The following TSPAN5 variants were observed in gnomAD, a reference collection of about 807,000 sequenced individuals.
TSPAN5 encodes tetraspanin-5.
TSPAN5 carries 10 observed loss-of-function variants against 37.1 expected under a neutral mutation model. The ratio of observed to expected loss-of-function variants is 0.27; its 90% CI spans 0.17 to 0.46. The LOEUF is 0.46. Among genes scored for constraint, TSPAN5 ranks in the 20% least tolerant of loss-of-function variants. The probability of loss-of-function intolerance (pLI) is 1.00; values close to 1 mark genes in which losing one functional copy is unlikely to be tolerated. For synonymous variants in TSPAN5, 110 were observed against 118.9 expected (o/e 0.93, Z 0.48); for missense variants, 195 against 326.6 (o/e 0.60, Z 3.11).
chr4:98,558,093 T>C (rs1754792889), intron 1 of TSPAN5, among the ~76,000 whole-genome samples: 1 of 152,184 alleles, frequency 6.6e-6, no homozygotes, highest in African/African-American at 2.4e-5. Context: ...ATTGGCTCAT[T>C]AGTTGTAACA....
At chr4:98,488,892 A>C (rs903338139) in intron 2 of TSPAN5, among the ~76,000 whole-genome samples, 1 of 152,130 alleles carries the variant, frequency 6.6e-6, no homozygotes. Context: ...TTCTCTACAA[A>C]AATAAACTTA....
At chr4:98,645,777 T>C (rs1014877071) in intron 1 of TSPAN5, among the ~76,000 whole-genome samples, 1 of 152,192 alleles carries the variant, frequency 6.6e-6, no homozygotes, top group African/African-American at 2.4e-5. Flanking sequence ...TGAGGTTGAT[T>C]AATGAATCTA....
rs180779668 is a variant in TSPAN5, at chr4:98,555,684, C to T, written c.82-47956G>A. 7.2e-5 allele frequency among the ~76,000 whole-genome samples: 11 copies of T among 152,134 alleles called. No homozygotes were observed. In the East Asian group the frequency reaches 2.1e-3, roughly 29 times the overall value. ...ACCCCTTAAGTTTTCAGGTATTATG[C>T]TAAAAGGGTAAATATAGAAATAAGT... On this transcript the variant is annotated intron_variant, in intron 1 of 7. Coordinates refer to ENST00000305798, the MANE Select transcript of TSPAN5 (RefSeq NM_005723.4).
At chr4:98,490,527 C>G (rs1753062559) in intron 2 of TSPAN5, among the ~76,000 whole-genome samples, 1 of 152,134 alleles carries the variant, frequency 6.6e-6, no homozygotes. Context: ...TTATTTAATC[C>G]TAAATTCTGG....
At chr4:98,482,633 T>G (rs4414961) in intron 3 of TSPAN5, 61,624 of 154,550 alleles carry the variant, frequency 0.4, 14,822 homozygotes, top group Non-Finnish European at 0.53. Context: ...AATATATTCC[T>G]TTTATGGATT....
chr4:98,513,407 T>A (rs565502490), intron 1 of TSPAN5, among the ~76,000 whole-genome samples: 27 of 152,056 alleles, frequency 1.8e-4, no homozygotes, highest in Non-Finnish European at 3.2e-4. Context: ...GCAGAAAAGA[T>A]TAGAGTCTGA....
At chr4:98,553,233 A>C (rs1754662492) in intron 1 of TSPAN5, among the ~76,000 whole-genome samples, 1 of 152,202 alleles carries the variant, frequency 6.6e-6, no homozygotes, top group Non-Finnish European at 1.5e-5. Flanking sequence ...AATTAAGCAA[A>C]AGTTGAAACA....
intron 1 of TSPAN5, among the ~76,000 whole-genome samples, chr4:98,621,663 C>T (rs891038093): frequency 1.3e-5 from 2 of 152,108 alleles, no homozygotes; most frequent in South Asian, 2.1e-4. Flanking sequence ...CCACTGCGCC[C>T]GGCCAGATGT....
chr4:98,510,905 G>T (rs547366692), intron 1 of TSPAN5, among the ~76,000 whole-genome samples: 22 of 152,150 alleles, frequency 1.4e-4, no homozygotes, highest in Non-Finnish European at 2.9e-4. Flanking sequence ...AAATCAAGTT[G>T]TTCCAGTTCC....
chr4:98,538,755 G>A (rs1161378355), intron 1 of TSPAN5, among the ~76,000 whole-genome samples: 1 of 152,128 alleles, frequency 6.6e-6, no homozygotes, highest in Non-Finnish European at 1.5e-5. Flanking sequence ...TGCCTGTGCA[G>A]GAATTTATTC....
chr4:98,528,090 C>T (rs531967031), intron 1 of TSPAN5, among the ~76,000 whole-genome samples: 59 of 152,302 alleles, frequency 3.9e-4, no homozygotes, highest in Non-Finnish European at 6.8e-4. Context: ...AAGTGTTCCT[C>T]TGTCCGGCAT....
chr4:98,609,600 T>C (rs979324841), intron 1 of TSPAN5, among the ~76,000 whole-genome samples: 2 of 152,172 alleles, frequency 1.3e-5, no homozygotes, highest in Admixed American at 6.5e-5. Context: ...GTCTCCAGCC[T>C]CTCGTGTCCA....
At chr4:98,499,273 A>G (rs997962131) in intron 2 of TSPAN5, among the ~76,000 whole-genome samples, 32 of 152,242 alleles carry the variant, frequency 2.1e-4, no homozygotes, top group African/African-American at 7.2e-4. Context: ...AGGGGCCAGA[A>G]GGAGGATGCA....
chr4:98,474,139 GC>G (rs1318214499), intron 7 of TSPAN5, among the ~76,000 whole-genome samples: 1 of 152,138 alleles, frequency 6.6e-6, no homozygotes, highest in African/African-American at 2.4e-5. Context: ...AAATATTTAT[GC>G]CTATGTTTTC....
chr4:98,500,690 G>A (rs964115262), intron 2 of TSPAN5, among the ~76,000 whole-genome samples: 2 of 152,190 alleles, frequency 1.3e-5, no homozygotes, highest in African/African-American at 2.4e-5. Context: ...ATAAAAAGTG[G>A]TATTTTTTTC....
intron 1 of TSPAN5, among the ~76,000 whole-genome samples, chr4:98,550,884 G>T (rs922550718): frequency 6.6e-6 from 1 of 152,094 alleles, no homozygotes; most frequent in Non-Finnish European, 1.5e-5. Flanking sequence ...TCTCTTGCCT[G>T]ATTGCTCTGG....
intron 3 of TSPAN5, chr4:98,484,317 C>G: frequency 2.5e-6 from 1 of 396,320 alleles, no homozygotes; most frequent in South Asian, 1.9e-5. Flanking sequence ...CCTAGATTTT[C>G]CCTCAGCAAG....
At chr4:98,521,635 T>C (rs547225850) in intron 1 of TSPAN5, among the ~76,000 whole-genome samples, 2 of 152,320 alleles carry the variant, frequency 1.3e-5, no homozygotes, top group Admixed American at 1.3e-4. Context: ...TGACACTCAG[T>C]GTTATTGTTC....
At chr4:98,607,371 G>A (rs748291535) in intron 1 of TSPAN5, among the ~76,000 whole-genome samples, 17 of 152,142 alleles carry the variant, frequency 1.1e-4, no homozygotes, top group Admixed American at 2.0e-4. Context: ...TGAGGAATGC[G>A]ACATGTGATA....
Sources: allele counts gnomAD v4.1 joint callset (sites outside exome capture counted in the v4.1 genomes callset), GRCh38; gene constraint gnomAD v4.1.1; transcripts MANE v1.5; gene names NCBI Gene and HGNC (gene_info 2026-07-23, HGNC 2026-07-21).